Variants in DBX2 observed in about 807,000 individuals in gnomAD.
The protein encoded by DBX2 is developing brain homeobox 2.
A neutral mutation model predicts 17.7 loss-of-function variants in DBX2; 16 were observed. That is an observed-to-expected ratio of 0.90 (90% CI 0.61 to 1.37). The LOEUF is 1.37. Among genes scored for constraint, DBX2 ranks in the 40% most tolerant of loss-of-function variants. DBX2 has a pLI of 0.00. For missense variants in DBX2, 538 were observed against 433.8 expected (o/e 1.24, Z -2.13); for synonymous variants, 255 against 183.8 (o/e 1.39, Z -3.13).
intron 3 of DBX2, among the ~76,000 whole-genome samples, chr12:45,020,255 C>T (rs559495703): frequency 2.6e-5 from 4 of 152,064 alleles, no homozygotes; most frequent in Non-Finnish European, 5.9e-5. Context: ...ATAGATTTCC[C>T]CATTCTGGAC....
intron 1 of DBX2, among the ~76,000 whole-genome samples, chr12:45,047,317 T>C (rs1234443927): frequency 6.6e-6 from 1 of 152,172 alleles, no homozygotes; most frequent in Non-Finnish European, 1.5e-5. Context: ...TTTCCACTAA[T>C]AAACTATAAT....
intron 3 of DBX2, 75 bp from the exon 4 acceptor site, chr12:45,016,693 C>T: frequency 7.1e-7 from 1 of 1,414,070 alleles, no homozygotes; most frequent in Non-Finnish European, 9.5e-7. Context: ...ACTGTAATTG[C>T]TTCTACTATC....
intron 3 of DBX2, among the ~76,000 whole-genome samples, chr12:45,022,168 AGACT>A (rs1946356004): frequency 6.6e-6 from 1 of 152,170 alleles, no homozygotes; most frequent in African/African-American, 2.4e-5. Flanking sequence ...AGGAGAGCAC[AGACT>A]GACTAATGTA....
intron 1 of DBX2, among the ~76,000 whole-genome samples, chr12:45,048,371 A>G (rs1368879851): frequency 6.6e-6 from 1 of 152,216 alleles, no homozygotes; most frequent in Non-Finnish European, 1.5e-5. Flanking sequence ...TGGTTGTTGG[A>G]TAACATTTCA....
chr12:45,020,406 A>G (rs1454589503), intron 3 of DBX2, among the ~76,000 whole-genome samples: 1 of 152,100 alleles, frequency 6.6e-6, no homozygotes, highest in Non-Finnish European at 1.5e-5. Flanking sequence ...ATATTCCACT[A>G]TATGGATATA....
intron 2 of DBX2, among the ~76,000 whole-genome samples, chr12:45,033,178 A>G (rs1259232435): frequency 1.3e-5 from 2 of 152,204 alleles, no homozygotes; most frequent in Non-Finnish European, 2.9e-5. Flanking sequence ...AACTAAATCA[A>G]TATTAAATAA....
intron 1 of DBX2, among the ~76,000 whole-genome samples, chr12:45,037,070 T>C (rs1946444949): frequency 6.6e-6 from 1 of 152,224 alleles, no homozygotes; most frequent in African/African-American, 2.4e-5. Context: ...GTTGTTCTAT[T>C]ATTTTGACTA....
chr12:45,050,862 G>T lies in DBX2; in HGVS notation c.66C>A (p.Leu22=). 1 of 1,536,306 alleles carries T rather than the reference G, an allele frequency of 6.5e-7. No homozygotes were observed. The highest frequency in any genetic ancestry group is 1.2e-5 in the South Asian group (1 of 81,756). Residue 22 remains leucine, a synonymous_variant, in exon 1 of 4, where the codon CTC becomes CTA. Transcript: ENST00000332700. Reference sequence around the variant, plus strand: ...AGCCGGGCGCAGCGGGGAGGTTGAGGAGCGCGGAGGAAGCCACAACGTCCC... The same window carrying T: ...AGCCGGGCGCAGCGGGGAGGTTGAGTAGCGCGGAGGAAGCCACAACGTCCC... ...AYWDVVASSA[L]LNLPAAPGFG...
chr12:45,021,092 A>G (rs1483421587), intron 3 of DBX2, among the ~76,000 whole-genome samples: 1 of 152,220 alleles, frequency 6.6e-6, no homozygotes, highest in African/African-American at 2.4e-5. Flanking sequence ...ATATATTGAT[A>G]TATTTACAAA....
intron 1 of DBX2, among the ~76,000 whole-genome samples, chr12:45,047,616 A>G (rs1946506936): frequency 3.3e-5 from 5 of 152,212 alleles, no homozygotes; most frequent in African/African-American, 4.8e-5. Context: ...CCTTTCAAAT[A>G]TATTTCATAA....
intron 2 of DBX2, among the ~76,000 whole-genome samples, chr12:45,024,741 A>T (rs1946372446): frequency 6.6e-6 from 1 of 152,184 alleles, no homozygotes; most frequent in African/African-American, 2.4e-5. Context: ...TAGCATCACA[A>T]ATGTGTTGTA....
At chr12:45,019,777 A>T (rs1946341931) in intron 3 of DBX2, among the ~76,000 whole-genome samples, 1 of 152,116 alleles carries the variant, frequency 6.6e-6, no homozygotes, top group Non-Finnish European at 1.5e-5. Flanking sequence ...ATATTCAAAA[A>T]GGAAAAAAGC....
chr12:45,038,859 CTA>C (rs1946454339), intron 1 of DBX2, among the ~76,000 whole-genome samples: 3 of 151,910 alleles, frequency 2.0e-5, no homozygotes, highest in Admixed American at 1.3e-4. Context: ...CTACATTACC[CTA>C]TCTTAATATA....
At position 45,023,696 on chromosome 12, in the gene DBX2, C is replaced by T. The variant is rs749488387; in HGVS notation, c.687+11G>A. 6.8e-6 allele frequency: 11 copies of T among 1,613,770 alleles called. No individual in the cohort carries two copies. In the South Asian group the frequency reaches 7.7e-5, roughly 11 times the overall value. ...ATCAGAGGCAGTAGACATCTTCCTGCTTATTAGTACCTGTGATTCCTTTAG... is the reference window on the plus strand; with the variant it reads ...ATCAGAGGCAGTAGACATCTTCCTGTTTATTAGTACCTGTGATTCCTTTAG... On this transcript the variant is annotated intron_variant, in intron 3 of 3. Coordinates refer to ENST00000332700, the MANE Select transcript of DBX2 (RefSeq NM_001004329.3).
intron 1 of DBX2, among the ~76,000 whole-genome samples, chr12:45,043,584 C>T (rs1429673661): frequency 5.3e-5 from 8 of 152,156 alleles, no homozygotes; most frequent in Non-Finnish European, 1.2e-4. Context: ...CAGTGCCAGC[C>T]ATGTGAGTAG....
intron 2 of DBX2, among the ~76,000 whole-genome samples, chr12:45,029,153 G>C (rs1946396093): frequency 6.6e-6 from 1 of 152,012 alleles, no homozygotes; most frequent in South Asian, 2.1e-4. Flanking sequence ...AGACTTCCAG[G>C]TAAACAAAAA....
intron 2 of DBX2, among the ~76,000 whole-genome samples, chr12:45,031,038 C>T (rs888433104): frequency 6.6e-6 from 1 of 152,082 alleles, no homozygotes; most frequent in African/African-American, 2.4e-5. Context: ...TGTGTCTCTC[C>T]CTCCTGGAGT....
At chr12:45,029,014 C>G (rs1472256774) in intron 2 of DBX2, among the ~76,000 whole-genome samples, 1 of 152,180 alleles carries the variant, frequency 6.6e-6, no homozygotes, top group African/African-American at 2.4e-5. Flanking sequence ...TGGATCCAAC[C>G]ACAAACACGT....
At position 45,050,676 on chromosome 12, in the gene DBX2, C is replaced by G. The variant is rs1296236539; in HGVS notation, c.252G>C (p.Lys84Asn). Residue 84 changes from lysine to asparagine, a missense_variant, in exon 1 of 4, where the codon AAG (lysine) becomes AAC (asparagine). Coordinates refer to ENST00000332700, the MANE Select transcript of DBX2 (RefSeq NM_001004329.3). The stretch of plus-strand genomic sequence containing the variant: ...TAACTTGTTCGGCTGCGGGGCACAG[C>G]TTTAGGGGAACTGGGCTAGCAGGCA... The part of the protein sequence containing the change: ...RPLPASPVPL[K>N]LCPAAEQVSP... 1.3e-6 allele frequency: 2 copies of G among 1,545,464 alleles called. No homozygotes were observed. The highest frequency in any genetic ancestry group is 1.4e-5 in the African/African-American group (1 of 72,030).
Sources: gnomAD v4.1 joint callset for allele counts (sites outside exome capture counted in the v4.1 genomes callset) on GRCh38, gnomAD v4.1.1 for gene constraint, MANE v1.5 for transcripts, NCBI Gene and HGNC (gene_info 2026-07-23, HGNC 2026-07-21) for gene names.